Variants in GRID1 observed in about 807,000 individuals in gnomAD.
GRID1 encodes the protein glutamate receptor ionotropic, delta-1.
A neutral mutation model predicts 98.0 loss-of-function variants in GRID1; 28 were observed. The ratio of observed to expected loss-of-function variants is 0.29; its 90% CI spans 0.21 to 0.39. The LOEUF is 0.39. Among genes scored for constraint, GRID1 ranks in the 10% least tolerant of loss-of-function variants. The pLI, the probability that GRID1 is intolerant of heterozygous loss-of-function variation, is 1.00. For synonymous variants in GRID1, 553 were observed against 538.5 expected (o/e 1.03, Z -0.37); for missense variants, 1,111 against 1,340.5 (o/e 0.83, Z 2.67).
In GRID1 at chr10:85,819,037, T is replaced by A. The variant is rs11201805; in HGVS notation, c.1233+35459A>T. On this transcript the variant is annotated intron_variant, in intron 8 of 15. Coordinates refer to ENST00000327946, the MANE Select transcript of GRID1 (RefSeq NM_017551.3). ...TGTCCTGCACAATAGTATTTGATTA[T>A]AACTCAAAGATTGGCATAAAAAAAT... 6.9e-3 allele frequency among the ~76,000 whole-genome samples: 1,044 copies of A among 152,224 alleles called. 40 individuals carry two copies. Among genetic ancestry groups the A allele is most frequent in the Admixed American group, 0.05 (763 of 15,294 alleles).
intron 2 of GRID1, among the ~76,000 whole-genome samples, chr10:86,269,255 G>T (rs904714944): frequency 1.3e-5 from 2 of 152,168 alleles, no homozygotes; most frequent in African/African-American, 4.8e-5. Context: ...TGCCTGGAGG[G>T]GTGGGGGCAG....
chr10:86,198,364 A>G (rs145235576), intron 3 of GRID1, among the ~76,000 whole-genome samples: 1 of 152,152 alleles, frequency 6.6e-6, no homozygotes, highest in African/African-American at 2.4e-5. Context: ...AGCACCAAGA[A>G]CACAACCAAA....
intron 8 of GRID1, among the ~76,000 whole-genome samples, chr10:85,757,473 T>C (rs545516229): frequency 2.0e-5 from 3 of 152,324 alleles, no homozygotes; most frequent in African/African-American, 7.2e-5. Flanking sequence ...TAATGATCTC[T>C]GATCAGGGAG....
intron 2 of GRID1, among the ~76,000 whole-genome samples, chr10:86,285,349 T>G (rs909977065): frequency 2.0e-5 from 3 of 152,222 alleles, no homozygotes; most frequent in African/African-American, 7.2e-5. Context: ...ACACTCATGG[T>G]GAAGCCCTGT....
intron 12 of GRID1, 96 bp downstream of exon 12, chr10:85,722,907 G>T: frequency 3.0e-6 from 3 of 998,354 alleles, no homozygotes; most frequent in Non-Finnish European, 1.4e-6. Flanking sequence ...GCAGATCAGG[G>T]CTCTCTCCAT....
At chr10:85,968,911 T>C (rs1203818446) in intron 4 of GRID1, among the ~76,000 whole-genome samples, 1 of 152,182 alleles carries the variant, frequency 6.6e-6, no homozygotes, top group Non-Finnish European at 1.5e-5. Flanking sequence ...ACAGAGTGAA[T>C]TTTTTAAAAG....
At chr10:86,071,843 C>T (rs1391818594) in intron 4 of GRID1, among the ~76,000 whole-genome samples, 2 of 152,004 alleles carry the variant, frequency 1.3e-5, no homozygotes, top group Non-Finnish European at 2.9e-5. Flanking sequence ...GAGGAACTGC[C>T]CCAGCCAGTG....
chr10:85,829,007 A>G (rs184544491), intron 8 of GRID1, among the ~76,000 whole-genome samples: 1 of 152,244 alleles, frequency 6.6e-6, no homozygotes, highest in East Asian at 1.9e-4. Flanking sequence ...CACAACAAAA[A>G]CAGAAAACAT....
chr10:86,030,586 T>A (rs945300059), intron 4 of GRID1, among the ~76,000 whole-genome samples: 3 of 152,176 alleles, frequency 2.0e-5, no homozygotes, highest in African/African-American at 7.2e-5. Context: ...GAGCCCTAGC[T>A]GCTATTCTGC....
intron 12 of GRID1, among the ~76,000 whole-genome samples, chr10:85,682,602 C>T (rs939055895): frequency 6.6e-6 from 1 of 152,260 alleles, no homozygotes; most frequent in Non-Finnish European, 1.5e-5. Context: ...TTGCCACTCT[C>T]TCCACCTCCC....
intron 4 of GRID1, among the ~76,000 whole-genome samples, chr10:85,939,931 G>T (rs1233050876): frequency 6.6e-6 from 1 of 152,034 alleles, no homozygotes; most frequent in Non-Finnish European, 1.5e-5. Context: ...GCTGGGCATG[G>T]TGGTGCACAC....
chr10:86,216,578 A>G (rs1846180222), intron 2 of GRID1, among the ~76,000 whole-genome samples: 1 of 152,224 alleles, frequency 6.6e-6, no homozygotes, highest in Non-Finnish European at 1.5e-5. Context: ...GTCCTGGGCA[A>G]TTCACTTTAT....
At chr10:86,181,179 T>C (rs902849995) in intron 3 of GRID1, among the ~76,000 whole-genome samples, 6 of 152,192 alleles carry the variant, frequency 3.9e-5, no homozygotes, top group African/African-American at 1.4e-4. Context: ...CCTTCACTCT[T>C]ATCCCCACAG....
At chr10:85,667,314 C>CAG (rs1183254980) in intron 12 of GRID1, among the ~76,000 whole-genome samples, 8 of 146,434 alleles carry the variant, frequency 5.5e-5, no homozygotes, top group African/African-American at 7.8e-5. Context: ...ATCACACACA[C>CAG]ACAGAGAGAG....
chr10:86,269,085 C>T (rs1382623099), intron 2 of GRID1, among the ~76,000 whole-genome samples: 1 of 152,260 alleles, frequency 6.6e-6, no homozygotes, highest in African/African-American at 2.4e-5. Flanking sequence ...ACCCCTTCAC[C>T]TCTGTGAACC....
Position 85,688,052 on chromosome 10 carries a change from G to C in GRID1, c.1997+34951C>G, listed in dbSNP as rs1364067075. Among the ~76,000 whole-genome samples, 6 of 152,212 alleles carry C rather than the reference G, an allele frequency of 3.9e-5. 1 individual carries two copies. The highest frequency in any genetic ancestry group is 7.3e-5 in the Non-Finnish European group (5 of 68,040). On this transcript the variant is annotated intron_variant, in intron 12 of 15. Coordinates refer to ENST00000327946, the MANE Select transcript of GRID1 (RefSeq NM_017551.3). ...AGTCAAAACAGATTCACAGAGGAGGGAGCACAGGTTATTGAATGGAAAATT... is the reference window on the plus strand; with the variant it reads ...AGTCAAAACAGATTCACAGAGGAGGCAGCACAGGTTATTGAATGGAAAATT...
chr10:86,182,898 T>C (rs1053070016), intron 3 of GRID1, among the ~76,000 whole-genome samples: 5 of 152,194 alleles, frequency 3.3e-5, no homozygotes, highest in African/African-American at 1.2e-4. Context: ...GATGGTTTCT[T>C]TGGCATGGAC....
chr10:85,604,946 G>T (rs982591874), intron 15 of GRID1, among the ~76,000 whole-genome samples: 2 of 152,178 alleles, frequency 1.3e-5, no homozygotes, highest in Non-Finnish European at 2.9e-5. Flanking sequence ...CAAGAGACAG[G>T]TTACCTAACG....
chr10:85,676,469 C>G (rs904111394), intron 12 of GRID1, among the ~76,000 whole-genome samples: 3 of 152,332 alleles, frequency 2.0e-5, no homozygotes, highest in African/African-American at 7.2e-5. Flanking sequence ...CACTCTATTT[C>G]CCTCATTCTG....
Sources: allele counts gnomAD v4.1 joint callset (sites outside exome capture counted in the v4.1 genomes callset), GRCh38; gene constraint gnomAD v4.1.1; transcripts MANE v1.5; gene names NCBI Gene and HGNC (gene_info 2026-07-23, HGNC 2026-07-21).